The following ELP1 variants were observed in gnomAD, a reference collection of about 807,000 sequenced individuals.
ELP1 encodes elongator complex protein 1.
In ELP1, 131 loss-of-function variants were observed where a neutral mutation model predicts 183.2. The observed-to-expected ratio is 0.72, with a 90% CI of 0.62 to 0.83. The LOEUF is 0.83. ELP1 is among the 40% of genes least tolerant of loss of function. ELP1 has a pLI of 0.00. For missense variants in ELP1, 1,550 were observed against 1,594.9 expected (o/e 0.97, Z 0.48); for synonymous variants, 555 against 569.0 (o/e 0.98, Z 0.35).
In ELP1 at chr9:108,878,123, G is replaced by A. The variant is rs1189046458; in HGVS notation, c.3727C>T (p.Leu1243Phe). The change falls in exon 35 of 37, where the codon CTC (leucine) becomes TTC (phenylalanine). Residue 1243 changes from leucine (L) to phenylalanine (F), a missense_variant. By Grantham distance (22) the Leu-to-Phe change is conservative. Coordinates refer to ENST00000374647, the MANE Select transcript of ELP1 (RefSeq NM_003640.5). ...TGTTCATCAAACTCAAAGAGAAAGAGTACCTTTAAAATATGGTATACTTCA... is the reference window on the plus strand; with the variant it reads ...TGTTCATCAAACTCAAAGAGAAAGAATACCTTTAAAATATGGTATACTTCA... Reference protein sequence around the residue: ...KDEVYHILKVLFLFEFDEQGR... With the variant: ...KDEVYHILKVFFLFEFDEQGR... 6.2e-7 allele frequency: 1 copy of A among 1,610,598 alleles called. No individual in the cohort carries two copies. Among genetic ancestry groups the A allele is most frequent in the South Asian group, 1.1e-5 (1 of 91,014 alleles).
Position 108,874,878 on chromosome 9 carries a change from T to G in ELP1, c.3931+17A>C. 5.3e-6 allele frequency: 8 copies of G among 1,521,658 alleles called. No homozygotes were observed. Among genetic ancestry groups the G allele is most frequent in the Non-Finnish European group, 7.3e-6 (8 of 1,096,152 alleles). 94.3% of individuals were successfully genotyped at this position (1,521,658 alleles called of 1,614,324 possible). A position where few individuals can be genotyped will look rare whatever the true frequency, so the allele number is the denominator to read the frequency against. On this transcript the variant is annotated intron_variant, in intron 36 of 36. Transcript: ENST00000374647. The stretch of plus-strand genomic sequence containing the variant: ...TTCTGCTTAGTATTGTAATATTAAA[T>G]GAGAAAAAATACTAACCAAGAACAG...
chr9:108,930,034 A>C (rs993660899), intron 2 of ELP1, 113 bp from the exon 3 acceptor site: 11 of 1,260,766 alleles, frequency 8.7e-6, no homozygotes, highest in Non-Finnish European at 1.2e-5. Context: ...GCTTTCAAAA[A>C]TATTTTTTCT....
chr9:108,922,964 T>C (rs142850721), intron 5 of ELP1, 37 bp from the exon 6 acceptor site: 1 of 1,472,822 alleles, frequency 6.8e-7, no homozygotes, highest in East Asian at 2.3e-5. Context: ...ATAAGCCACA[T>C]GAAATGAAAC....
chr9:108,874,312 A>T (rs966062383), intron 36 of ELP1, among the ~76,000 whole-genome samples: 1 of 152,234 alleles, frequency 6.6e-6, no homozygotes, highest in Non-Finnish European at 1.5e-5. Context: ...TTCAAAAGAA[A>T]GCGCTTAGGG....
At chr9:108,919,417 G>A in intron 6 of ELP1, 68 bp from the exon 7 acceptor site, 2 of 1,014,408 alleles carry the variant, frequency 2.0e-6, no homozygotes, top group Non-Finnish European at 3.1e-6. Context: ...ACAAGCCTCA[G>A]ACCACTAGAT....
At chr9:108,911,951 C>T (rs182220122) in intron 11 of ELP1, among the ~76,000 whole-genome samples, 3 of 152,242 alleles carry the variant, frequency 2.0e-5, no homozygotes, top group Non-Finnish European at 4.4e-5. Flanking sequence ...AAAGCTAACA[C>T]ACCCAATCCC....
At chr9:108,902,748 G>T in intron 16 of ELP1, 91 bp downstream of exon 16, 1 of 910,934 alleles carries the variant, frequency 1.1e-6, no homozygotes, top group Non-Finnish European at 1.8e-6. Flanking sequence ...GGAGACCCAA[G>T]TCCACCTCCA....
chr9:108,881,906 AAATTC>A (rs1827945483), intron 30 of ELP1, 141 bp from the exon 31 acceptor site: 1 of 698,098 alleles, frequency 1.4e-6, no homozygotes. Context: ...GCAGCCAAGG[AAATTC>A]AATTCATTTC....
chr9:108,924,276 G>C (rs1829753893), intron 5 of ELP1, among the ~76,000 whole-genome samples: 1 of 152,060 alleles, frequency 6.6e-6, no homozygotes, highest in East Asian at 1.9e-4. Context: ...TTGAGCAGCT[G>C]CAACACAGAT....
intron 14 of ELP1, among the ~76,000 whole-genome samples, chr9:108,904,962 T>C (rs1828963199): frequency 6.6e-6 from 1 of 152,208 alleles, no homozygotes; most frequent in African/African-American, 2.4e-5. Flanking sequence ...ATGAGATGAC[T>C]GCATCAAGCT....
At chr9:108,882,273 G>A in intron 29 of ELP1, 86 bp from the exon 30 acceptor site, 1 of 1,121,686 alleles carries the variant, frequency 8.9e-7, no homozygotes, top group Non-Finnish European at 1.3e-6. Context: ...CCACAGACCT[G>A]CCTCTATCTC....
At chr9:108,891,567 C>T (rs754166598) in intron 27 of ELP1, among the ~76,000 whole-genome samples, 163 bp from the exon 28 acceptor site, 15 of 152,208 alleles carry the variant, frequency 9.9e-5, no homozygotes, top group Non-Finnish European at 2.2e-4. Context: ...TCATTCAAAA[C>T]CTTACTGAGG....
chr9:108,901,714 T>G (rs1828818227), intron 16 of ELP1, 33 bp from the exon 17 acceptor site: 1 of 1,604,352 alleles, frequency 6.2e-7, no homozygotes, highest in African/African-American at 1.3e-5. Flanking sequence ...TCACAAGCAA[T>G]TCTATCTCAA....
chr9:108,903,700 C>T (rs1587899495), intron 14 of ELP1, 31 bp from the exon 15 acceptor site: 1 of 1,506,144 alleles, frequency 6.6e-7, no homozygotes. Context: ...GGAGTGTAAA[C>T]AGACCATTTT....
chr9:108,908,516 A>C, intron 12 of ELP1, 112 bp from the exon 13 acceptor site: 1 of 771,110 alleles, frequency 1.3e-6, no homozygotes, highest in African/African-American at 1.7e-5. Flanking sequence ...CAATCTAGAA[A>C]ATAATCACAT....
At chr9:108,914,184 G>C (rs28663176) in intron 10 of ELP1, among the ~76,000 whole-genome samples, 1 of 151,886 alleles carries the variant, frequency 6.6e-6, no homozygotes, top group Non-Finnish European at 1.5e-5. Context: ...GGCAGATCAC[G>C]AGATGGAGAT....
chr9:108,874,090 A>T (rs1827600532), intron 36 of ELP1, among the ~76,000 whole-genome samples: 1 of 152,256 alleles, frequency 6.6e-6, no homozygotes, highest in African/African-American at 2.4e-5. Flanking sequence ...AAATGTCATC[A>T]AAATGCTATT....
At chr9:108,896,419 C>T (rs1828548969) in intron 25 of ELP1, 77 bp downstream of exon 25, 5 of 1,360,434 alleles carry the variant, frequency 3.7e-6, no homozygotes, top group Middle Eastern at 2.0e-4. Flanking sequence ...AAAGCTACTG[C>T]ACTACCAGAA....
intron 36 of ELP1, among the ~76,000 whole-genome samples, chr9:108,870,787 C>T (rs1286843727): frequency 6.6e-6 from 1 of 152,126 alleles, no homozygotes; most frequent in African/African-American, 2.4e-5. Context: ...ATAATTGGAA[C>T]CTTTGGAACA....
Sources: gnomAD v4.1 joint callset for allele counts (sites outside exome capture counted in the v4.1 genomes callset) on GRCh38, gnomAD v4.1.1 for gene constraint, MANE v1.5 for transcripts, NCBI Gene and HGNC (gene_info 2026-07-23, HGNC 2026-07-21) for gene names.